SMIM14: variants seen among roughly 807,000 people sequenced by gnomAD.
The protein encoded by SMIM14 is chromosome 4 open reading frame 34.
A neutral mutation model predicts 12.6 loss-of-function variants in SMIM14; 5 were observed. The observed-to-expected ratio is 0.40, with a 90% CI of 0.21 to 0.83. The LOEUF (loss-of-function observed/expected upper bound fraction) is 0.83, where lower values mean the gene tolerates loss of function less well. SMIM14 is among the 40% of genes least tolerant of loss of function. The pLI is 0.37. For missense variants in SMIM14, 86 were observed against 119.1 expected (o/e 0.72, Z 1.29); for synonymous variants, 30 against 40.1 (o/e 0.75, Z 0.95).
rs1440150215 is a variant in SMIM14, at chr4:39,548,545, C to G, written c.*3581G>C. The G allele has an allele frequency of 6.6e-6, 1 of 152,038 alleles. No homozygotes were observed. The highest frequency in any genetic ancestry group is 2.4e-5 in the African/African-American group (1 of 41,394). The allele number at this position is 152,038 out of a possible 1,614,324, so 9.4% of individuals were successfully genotyped here. ...TGTGGAATGTGTTTAAGAGCCAAAA[C>G]TGTGAAAATGTAAGCTTTATCTTTC... On this transcript the variant is annotated 3_prime_UTR_variant, in exon 5 of 5. Transcript: ENST00000295958.
chr4:39,566,234 A>G (rs553817166), intron 3 of SMIM14, among the ~76,000 whole-genome samples: 5 of 151,824 alleles, frequency 3.3e-5, no homozygotes, highest in Non-Finnish European at 7.4e-5. Context: ...CAGTGTGAGA[A>G]AAAGGGAAGC....
At chr4:39,616,230 G>C (rs1470237697) in intron 1 of SMIM14, among the ~76,000 whole-genome samples, 1 of 152,150 alleles carries the variant, frequency 6.6e-6, no homozygotes, top group Non-Finnish European at 1.5e-5. Context: ...CCACCTCCTG[G>C]GTTCAAGCAA....
rs183901792 is a variant in SMIM14 at position 39,563,871 on chromosome 4, T to G, written c.125-7301A>C. Among the ~76,000 whole-genome samples the G allele has an allele frequency of 2.0e-5, 3 of 152,232 alleles. No homozygotes were observed. The East Asian group carries it at 5.8e-4, about 29-fold the overall frequency. ...CCTCAAGTTTCTTTTTCTTTTTTCTTTCTCCTCTTCCTCCTCCTCCTCTTC... is the reference window on the plus strand; with the variant it reads ...CCTCAAGTTTCTTTTTCTTTTTTCTGTCTCCTCTTCCTCCTCCTCCTCTTC... On this transcript the variant is annotated intron_variant, in intron 3 of 4. Transcript: ENST00000295958.
At position 39,571,029 on chromosome 4, in the gene SMIM14, T is replaced by C. The variant is rs565299864; in HGVS notation, c.124+1386A>G. ...TTTTACTAGTTCCCCTTAAAGCATCTCTCAAAATATTTCTGAGTATCCTGA... is the reference window on the plus strand; with the variant it reads ...TTTTACTAGTTCCCCTTAAAGCATCCCTCAAAATATTTCTGAGTATCCTGA... On this transcript the variant is annotated intron_variant, in intron 3 of 4. Transcript: ENST00000295958. Among the ~76,000 whole-genome samples, 5 of 152,212 alleles carry C rather than the reference T, an allele frequency of 3.3e-5. No individual in the cohort carries two copies. The East Asian group carries it at 9.7e-4, about 29-fold the overall frequency.
In SMIM14 at chr4:39,600,651, T is replaced by C. The variant is rs184843881; in HGVS notation, c.75+4420A>G. Reference sequence around the variant, plus strand: ...GTTGCAGTGAGCCGAGATGGCGCCATTGCACTCCAGCCTGGGCAACAAGAG... The same window carrying C: ...GTTGCAGTGAGCCGAGATGGCGCCACTGCACTCCAGCCTGGGCAACAAGAG... On this transcript the variant is annotated intron_variant, in intron 2 of 4. Coordinates refer to ENST00000295958, the MANE Select transcript of SMIM14 (RefSeq NM_174921.3). Among the ~76,000 whole-genome samples, 617 of 151,876 alleles carry C rather than the reference T, an allele frequency of 4.1e-3. 4 individuals are homozygous for C. The highest frequency in any genetic ancestry group is 0.014 in the African/African-American group (571 of 41,410).
chr4:39,638,386 C>T (rs1716185781), intron 1 of SMIM14: 3 of 849,824 alleles, frequency 3.5e-6, no homozygotes, highest in South Asian at 1.1e-4. Flanking sequence ...GTGAGTTTTT[C>T]CTTCCAGCTA....
At chr4:39,635,935 G>A (rs567890790) in intron 1 of SMIM14, among the ~76,000 whole-genome samples, 33 of 152,060 alleles carry the variant, frequency 2.2e-4, no homozygotes, top group Admixed American at 1.7e-3. Flanking sequence ...CACCGTGGGC[G>A]GCCAAGGTGG....
chr4:39,547,417 T>G lies in SMIM14; in HGVS notation c.*4709A>C, dbSNP rs571557034. 2.6e-4 allele frequency: 39 copies of G among 152,332 alleles called. No homozygotes were observed. The highest frequency in any genetic ancestry group is 8.4e-4 in the African/African-American group (35 of 41,570). The allele number at this position is 152,332 out of a possible 1,614,324, so 9.4% of individuals were successfully genotyped here. On this transcript the variant is annotated 3_prime_UTR_variant, in exon 5 of 5. Coordinates refer to ENST00000295958, the MANE Select transcript of SMIM14 (RefSeq NM_174921.3). Reference sequence around the variant, plus strand: ...CCTGGATGGCACAGACATAATTTGTTTGGCGTGATTTAAACATATAAAATC... The same window carrying G: ...CCTGGATGGCACAGACATAATTTGTGTGGCGTGATTTAAACATATAAAATC...
At chr4:39,631,532 A>G in intron 1 of SMIM14, among the ~76,000 whole-genome samples, 1 of 150,378 alleles carries the variant, frequency 6.6e-6, no homozygotes, top group East Asian at 2.0e-4. Context: ...GGTGGCAGGT[A>G]CCTGTAGTCC....
intron 3 of SMIM14, among the ~76,000 whole-genome samples, chr4:39,571,962 C>T (rs1712913769): frequency 1.3e-5 from 2 of 151,886 alleles, no homozygotes; most frequent in South Asian, 4.2e-4. Context: ...CACCACCATG[C>T]CCCACTAATT....
chr4:39,573,776 T>A (rs571957792), intron 2 of SMIM14, among the ~76,000 whole-genome samples: 15 of 152,158 alleles, frequency 9.9e-5, no homozygotes, highest in African/African-American at 3.6e-4. Flanking sequence ...GTTGGATAGA[T>A]AAGAAACTAA....
At chr4:39,611,099 C>G (rs915035128) in intron 1 of SMIM14, among the ~76,000 whole-genome samples, 1 of 152,052 alleles carries the variant, frequency 6.6e-6, no homozygotes, top group African/African-American at 2.4e-5. Flanking sequence ...AAATGGCAAC[C>G]TAGAAGAAAA....
chr4:39,631,134 C>A (rs1418126387), intron 1 of SMIM14, among the ~76,000 whole-genome samples: 2 of 151,656 alleles, frequency 1.3e-5, no homozygotes, highest in African/African-American at 4.8e-5. Context: ...GAGTTCGACA[C>A]CAGCCTGGCC....
chr4:39,595,180 T>G (rs2110044774), intron 2 of SMIM14, among the ~76,000 whole-genome samples: 2 of 148,530 alleles, frequency 1.3e-5, no homozygotes, highest in East Asian at 3.9e-4. Context: ...ATAGACTGGA[T>G]TAAGAAAACG....
chr4:39,572,315 A>G (rs551149625), intron 3 of SMIM14, 100 bp downstream of exon 3: 1 of 396,840 alleles, frequency 2.5e-6, no homozygotes, highest in Admixed American at 4.3e-5. Context: ...TAACCACTAG[A>G]ATAGGCAATG....
intron 4 of SMIM14, among the ~76,000 whole-genome samples, chr4:39,555,074 G>A (rs928983004): frequency 1.3e-5 from 2 of 151,804 alleles, no homozygotes; most frequent in Admixed American, 6.6e-5. Context: ...GACCTCAGGT[G>A]ATCCGCCCAT....
chr4:39,546,504 GA>G lies in SMIM14; in HGVS notation c.*5621del, dbSNP rs1456709755. The G allele has an allele frequency of 6.6e-6, 1 of 152,082 alleles. No individual in the cohort carries two copies. Among genetic ancestry groups the G allele is most frequent in the African/African-American group, 2.4e-5 (1 of 41,330 alleles). The allele number at this position is 152,082 out of a possible 1,614,324, so 9.4% of individuals were successfully genotyped here. A position where few individuals can be genotyped will look rare whatever the true frequency, so the allele number is the denominator to read the frequency against. On this transcript the variant is annotated 3_prime_UTR_variant, in exon 5 of 5. Coordinates refer to ENST00000295958, the MANE Select transcript of SMIM14 (RefSeq NM_174921.3). ...GTTGGTGTTTATGGAGCATCTTTTGGAGGGGGGGGAACCCCCAACAACTCTA... is the reference window on the plus strand; with the variant it reads ...GTTGGTGTTTATGGAGCATCTTTTGGGGGGGGGGAACCCCCAACAACTCTA...
chr4:39,576,684 A>AT (rs574142564), intron 2 of SMIM14, among the ~76,000 whole-genome samples: 6 of 25,552 alleles, frequency 2.3e-4, no homozygotes, highest in Non-Finnish European at 3.3e-4. Flanking sequence ...ATATATATAT[A>AT]TTTTTTTTTT....
At chr4:39,636,860 T>C (rs1716111212) in intron 1 of SMIM14, among the ~76,000 whole-genome samples, 1 of 152,162 alleles carries the variant, frequency 6.6e-6, no homozygotes, top group African/African-American at 2.4e-5. Flanking sequence ...TATAACAATA[T>C]ACTATAATAA....
Sources: allele counts gnomAD v4.1 joint callset (sites outside exome capture counted in the v4.1 genomes callset), GRCh38; gene constraint gnomAD v4.1.1; transcripts MANE v1.5; gene names NCBI Gene and HGNC (gene_info 2026-07-23, HGNC 2026-07-21).